Variants in RBMS3 observed in about 807,000 individuals in gnomAD.
The protein encoded by RBMS3 is RNA binding motif single stranded interacting protein 3.
In RBMS3, 27 loss-of-function variants were observed where a neutral mutation model predicts 66.8. That is an observed-to-expected ratio of 0.40 (90% CI 0.30 to 0.56). The LOEUF (loss-of-function observed/expected upper bound fraction) is 0.56, where lower values mean the gene tolerates loss of function less well. Ranked by LOEUF, RBMS3 falls within the 20% of genes least tolerant of loss-of-function variation. The pLI, the probability that RBMS3 is intolerant of heterozygous loss-of-function variation, is 0.40. For missense variants in RBMS3, 513 were observed against 549.5 expected (o/e 0.93, Z 0.66); for synonymous variants, 188 against 183.0 (o/e 1.03, Z -0.22).
chr3:29,703,829 C>G (rs547411618), intron 4 of RBMS3, among the ~76,000 whole-genome samples: 1 of 152,092 alleles, frequency 6.6e-6, no homozygotes, highest in South Asian at 2.1e-4. Context: ...CTGGGCCGCA[C>G]GGCTGGAGAT....
chr3:29,296,127 C>T (rs183983830), intron 1 of RBMS3, among the ~76,000 whole-genome samples: 12 of 151,856 alleles, frequency 7.9e-5, no homozygotes, highest in Admixed American at 5.9e-4. Flanking sequence ...TCCCAACAAG[C>T]GCTTGGGGTC....
At chr3:29,688,126 T>C (rs1042874127) in intron 4 of RBMS3, among the ~76,000 whole-genome samples, 1 of 152,134 alleles carries the variant, frequency 6.6e-6, no homozygotes, top group African/African-American at 2.4e-5. Flanking sequence ...ATCTTTCTGC[T>C]TGATGAAGGT....
At chr3:29,573,203 C>T (rs2047001514) in intron 3 of RBMS3, among the ~76,000 whole-genome samples, 1 of 152,140 alleles carries the variant, frequency 6.6e-6, no homozygotes. Context: ...TCACTGCAAC[C>T]TCCGCCTCCC....
chr3:29,602,091 TC>T (rs573465388), intron 4 of RBMS3, among the ~76,000 whole-genome samples: 105 of 152,190 alleles, frequency 6.9e-4, no homozygotes, highest in Non-Finnish European at 1.3e-3. Context: ...TGTTTCATAC[TC>T]CTCTTGCTGC....
chr3:29,381,540 G>GT (rs1160555450), intron 1 of RBMS3, among the ~76,000 whole-genome samples: 1 of 152,160 alleles, frequency 6.6e-6, no homozygotes, highest in African/African-American at 2.4e-5. Context: ...ATCTTTGTAT[G>GT]TAAAAATGGC....
chr3:29,800,450 A>G, intron 6 of RBMS3, among the ~76,000 whole-genome samples: 1 of 152,238 alleles, frequency 6.6e-6, no homozygotes, highest in East Asian at 1.9e-4. Context: ...TTTGAATGAC[A>G]TAGAATCAAA....
At chr3:29,412,895 G>A (rs550365319) in intron 1 of RBMS3, among the ~76,000 whole-genome samples, 103 of 152,332 alleles carry the variant, frequency 6.8e-4, no homozygotes, top group Non-Finnish European at 1.2e-3. Context: ...GGCTACTGGG[G>A]AACCAGGAGG....
chr3:29,601,078 A>G (rs2048126629), intron 4 of RBMS3, among the ~76,000 whole-genome samples: 1 of 152,004 alleles, frequency 6.6e-6, no homozygotes, highest in Admixed American at 6.6e-5. Flanking sequence ...CAGCCTCTTT[A>G]ATTAGGTACT....
At chr3:29,747,440 AGATAGATAGAT>A (rs1256441362) in intron 5 of RBMS3, among the ~76,000 whole-genome samples, 242 of 136,582 alleles carry the variant, frequency 1.8e-3, no homozygotes, top group African/African-American at 6.4e-3. Flanking sequence ...ATAGATAGAT[AGATAGATAGAT>A]GTCAGGTCAC....
At chr3:29,605,951 A>G (rs1201534212) in intron 4 of RBMS3, among the ~76,000 whole-genome samples, 3 of 149,728 alleles carry the variant, frequency 2.0e-5, no homozygotes, top group African/African-American at 7.4e-5. Flanking sequence ...GGCTTTGTTA[A>G]GACATGAAAC....
At chr3:29,480,540 G>C (rs1406191163) in intron 2 of RBMS3, among the ~76,000 whole-genome samples, 1 of 152,198 alleles carries the variant, frequency 6.6e-6, no homozygotes, top group Non-Finnish European at 1.5e-5. Flanking sequence ...AAGCTATTTA[G>C]GAGGTCAAAT....
intron 1 of RBMS3, among the ~76,000 whole-genome samples, chr3:29,309,167 T>C (rs182923551): frequency 2.8e-4 from 42 of 151,482 alleles, no homozygotes; most frequent in African/African-American, 9.9e-4. Context: ...CAAAAGTGAG[T>C]CCAAACGCAT....
intron 6 of RBMS3, among the ~76,000 whole-genome samples, chr3:29,836,938 G>T (rs1559723051): frequency 1.3e-5 from 2 of 151,874 alleles, no homozygotes; most frequent in Non-Finnish European, 2.9e-5. Flanking sequence ...ATACATTTTG[G>T]TCTGGACAAT....
intron 12 of RBMS3, among the ~76,000 whole-genome samples, chr3:29,965,046 A>C (rs1464898371): frequency 1.3e-5 from 2 of 152,104 alleles, no homozygotes; most frequent in African/African-American, 2.4e-5. Flanking sequence ...AAATGCTGTT[A>C]ATTCATTCAT....
chr3:29,283,623 G>A (rs1396413472), intron 1 of RBMS3, among the ~76,000 whole-genome samples: 2 of 152,104 alleles, frequency 1.3e-5, no homozygotes, highest in Non-Finnish European at 2.9e-5. Context: ...TTACTCTCAA[G>A]CTAGCCAACA....
At chr3:29,639,257 A>G (rs2049592767) in intron 4 of RBMS3, among the ~76,000 whole-genome samples, 2 of 151,838 alleles carry the variant, frequency 1.3e-5, no homozygotes, top group Non-Finnish European at 2.9e-5. Context: ...AATGACTTTC[A>G]TGTCTAAGGG....
chr3:29,923,227 A>G (rs1559803738), intron 10 of RBMS3, among the ~76,000 whole-genome samples: 1 of 152,224 alleles, frequency 6.6e-6, no homozygotes, highest in African/African-American at 2.4e-5. Flanking sequence ...GTCTTCAGTG[A>G]AGTCACAGGA....
chr3:29,395,357 G>A (rs569717364), intron 1 of RBMS3, among the ~76,000 whole-genome samples: 3 of 152,292 alleles, frequency 2.0e-5, no homozygotes, highest in South Asian at 2.1e-4. Flanking sequence ...TTTGTAAAAC[G>A]GCATGTAGGG....
At chr3:29,539,361 T>TTTA (rs1286219298) in intron 3 of RBMS3, among the ~76,000 whole-genome samples, 4 of 152,188 alleles carry the variant, frequency 2.6e-5, no homozygotes, top group African/African-American at 9.7e-5. Context: ...TTATTCTGCT[T>TTTA]TAATATAGAG....
Sources: gnomAD v4.1 joint callset for allele counts (sites outside exome capture counted in the v4.1 genomes callset) on GRCh38, gnomAD v4.1.1 for gene constraint, MANE v1.5 for transcripts, NCBI Gene and HGNC (gene_info 2026-07-23, HGNC 2026-07-21) for gene names.